DST: variants seen among roughly 807,000 people sequenced by gnomAD.
DST encodes the protein dystonin.
A neutral mutation model predicts 875.2 loss-of-function variants in DST; 253 were observed. That is an observed-to-expected ratio of 0.29 (90% confidence interval 0.26 to 0.32). The LOEUF (loss-of-function observed/expected upper bound fraction) is 0.32. DST is among the 10% of genes least tolerant of loss of function. The pLI, the probability that DST is intolerant of heterozygous loss-of-function variation, is 1.00. For synonymous variants in DST, 3,124 were observed against 3,197.1 expected (o/e 0.98, Z 0.77); for missense variants, 8,287 against 9,111.6 (o/e 0.91, Z 3.68).
At chr6:56,857,563 T>C (rs1174386584) in intron 3 of DST, among the ~76,000 whole-genome samples, 2 of 152,176 alleles carry the variant, frequency 1.3e-5, no homozygotes, top group African/African-American at 4.8e-5. Context: ...TAAAAGAAAT[T>C]CCTCTGCTAT....
chr6:56,887,846 G>A (rs189101323), intron 3 of DST, among the ~76,000 whole-genome samples: 5 of 151,980 alleles, frequency 3.3e-5, no homozygotes, highest in African/African-American at 9.7e-5. Flanking sequence ...AGACTAAACT[G>A]TTCATTCAAT....
chr6:56,759,216 C>T (rs1294824512), intron 4 of DST, among the ~76,000 whole-genome samples: 3 of 152,192 alleles, frequency 2.0e-5, no homozygotes, highest in East Asian at 3.9e-4. Context: ...TCTGGGAGGC[C>T]GAAGTGGGCG....
intron 61 of DST, among the ~76,000 whole-genome samples, chr6:56,539,068 C>G (rs1177308499): frequency 1.3e-5 from 2 of 152,114 alleles, no homozygotes; most frequent in African/African-American, 4.8e-5. Context: ...ATTCCAGGAA[C>G]TTGTAAATAA....
At chr6:56,561,143 TATCA>T (rs1340790518) in intron 57 of DST, among the ~76,000 whole-genome samples, 161 bp downstream of exon 57, 1 of 152,168 alleles carries the variant, frequency 6.6e-6, no homozygotes, top group Non-Finnish European at 1.5e-5. Flanking sequence ...TAACTATTAT[TATCA>T]ATCTTTATAG....
rs771049888 is a variant in DST, at chr6:56,645,992, A to C, written c.1652T>G (p.Ile551Ser). ...KIKRLYKLLE[I>S]WIEFGRIKLL... Reference sequence around the variant, plus strand: ...CTTGATGCGTCCAAATTCTATCCAAATCTTGAGAAAACAAAAAACTTTAAT... The same window carrying C: ...CTTGATGCGTCCAAATTCTATCCAACTCTTGAGAAAACAAAAAACTTTAAT... The change falls in exon 15 of 104, where the codon ATT becomes AGT. Residue 551 changes from isoleucine (I) to serine (S), a missense_variant and splice_region_variant. Ile to Ser is a moderately radical substitution (Grantham distance 142, BLOSUM62 -2). Coordinates refer to ENST00000680361, the MANE Select transcript of DST (RefSeq NM_001374736.1). 25 of 1,608,484 alleles carry C rather than the reference A, an allele frequency of 1.6e-5. 1 individual carries two copies. The South Asian group carries it at 2.7e-4, about 17-fold the overall frequency.
chr6:56,472,327 G>T, intron 93 of DST, 105 bp from the exon 94 acceptor site: 1 of 993,134 alleles, frequency 1.0e-6, no homozygotes, highest in South Asian at 1.7e-5. Flanking sequence ...ACTTAATTAC[G>T]TGTTTACGCA....
chr6:56,825,123 CA>C (rs1446588018), intron 4 of DST, among the ~76,000 whole-genome samples: 8 of 151,346 alleles, frequency 5.3e-5, no homozygotes, highest in Non-Finnish European at 1.2e-4. Flanking sequence ...AAGAAGTAGA[CA>C]TGGGAGACTT....
At chr6:56,490,503 A>G (rs142680689) in intron 85 of DST, among the ~76,000 whole-genome samples, 1 of 152,322 alleles carries the variant, frequency 6.6e-6, no homozygotes, top group Non-Finnish European at 1.5e-5. Flanking sequence ...ATATTTAACA[A>G]TAAGAGCAGA....
intron 4 of DST, among the ~76,000 whole-genome samples, chr6:56,764,637 AAAG>A (rs954706000): frequency 6.6e-5 from 10 of 152,240 alleles, no homozygotes; most frequent in South Asian, 6.2e-4. Flanking sequence ...AAAATTTAAA[AAAG>A]AAGGAGTGGG....
chr6:56,899,106 G>T lies in DST; in HGVS notation c.417+1315C>A, dbSNP rs117103896. On this transcript the variant is annotated intron_variant, in intron 3 of 103. Coordinates refer to ENST00000680361, the MANE Select transcript of DST (RefSeq NM_001374736.1). ...GGCTCAGTTTCATTATCCATAAAAT[G>T]GGAATCATAACATCTACCTCATAGA... 1.1e-4 allele frequency among the ~76,000 whole-genome samples: 16 copies of T among 152,202 alleles called. No homozygotes were observed. The East Asian group carries it at 3.1e-3, about 29-fold the overall frequency.
At chr6:56,799,956 T>A (rs1343914379) in intron 4 of DST, among the ~76,000 whole-genome samples, 1 of 152,186 alleles carries the variant, frequency 6.6e-6, no homozygotes, top group East Asian at 1.9e-4. Context: ...GGTGTATACA[T>A]TATTCTTTTA....
chr6:56,889,408 A>G (rs1169213553), intron 3 of DST, among the ~76,000 whole-genome samples: 1 of 152,204 alleles, frequency 6.6e-6, no homozygotes, highest in Non-Finnish European at 1.5e-5. Flanking sequence ...CCAACTCCTC[A>G]GTCAAAACTG....
chr6:56,671,025 T>C (rs536820750), intron 9 of DST, among the ~76,000 whole-genome samples: 36 of 152,328 alleles, frequency 2.4e-4, no homozygotes, highest in African/African-American at 7.9e-4. Flanking sequence ...CTATTCTATA[T>C]AATTATTTTT....
intron 55 of DST, among the ~76,000 whole-genome samples, chr6:56,562,547 GCAGT>G (rs971063340): frequency 4.0e-5 from 6 of 150,868 alleles, no homozygotes; most frequent in Non-Finnish European, 8.9e-5. Context: ...GTATTTTAGA[GCAGT>G]AAGTGGAGCT....
intron 2 of DST, among the ~76,000 whole-genome samples, chr6:56,908,899 T>C (rs545438757): frequency 6.6e-6 from 1 of 152,354 alleles, no homozygotes; most frequent in African/African-American, 2.4e-5. Context: ...AAAAGGGGGA[T>C]GCATGAATAA....
Position 56,628,097 on chromosome 6 carries a change from C to T in DST, c.4540G>A (p.Asp1514Asn). 1 of 1,613,764 alleles carries T rather than the reference C, an allele frequency of 6.2e-7. No homozygotes were observed. Among genetic ancestry groups the T allele is most frequent in the Non-Finnish European group, 8.5e-7 (1 of 1,179,698 alleles). Residue 1514 changes from aspartate (D) to asparagine (N), a missense_variant, in exon 33 of 104, where the codon GAT becomes AAT. Physicochemically the swap from Asp to Asn is conservative, Grantham distance 23. Transcript: ENST00000680361. ...GTTTCAACCTGCTGGATCCAATCAT[C>T]TAAAGGATGGTAAGTGTCTCTGTAG... Reference protein sequence around the residue: ...KYYRDTYHPLDDWIQQVETTQ... With the variant: ...KYYRDTYHPLNDWIQQVETTQ...
At chr6:56,871,211 C>T in intron 3 of DST, 1 of 762,748 alleles carries the variant, frequency 1.3e-6, no homozygotes, top group Non-Finnish European at 2.4e-6. Flanking sequence ...ATTTACTTGA[C>T]CCAGAGAACC....
chr6:56,611,518 G>A lies in DST; in HGVS notation c.5137C>T (p.His1713Tyr), dbSNP rs545659709. The A allele has an allele frequency of 3.1e-6, 5 of 1,610,620 alleles. No homozygotes were observed. The South Asian group carries it at 3.3e-5, about 11-fold the overall frequency. Residue 1713 changes from histidine to tyrosine, a missense_variant, in exon 38 of 104, where the codon CAT becomes TAT. His to Tyr is a moderately conservative substitution (Grantham distance 83). This residue lies in a region of DST where 3,138 missense variants were observed against 3,116.6 expected (regional missense o/e 1.01). Coordinates refer to ENST00000680361, the MANE Select transcript of DST (RefSeq NM_001374736.1). Reference protein sequence around the residue: ...LQTIQLFLAKHGDKMTDEERN... With the variant: ...LQTIQLFLAKYGDKMTDEERN... ...CTACAACCAACATACTTGTCTCCATGTTTTGCCAAAAAAAGCTGTATAGTT... is the reference window on the plus strand; with the variant it reads ...CTACAACCAACATACTTGTCTCCATATTTTGCCAAAAAAAGCTGTATAGTT...
intron 6 of DST, 23 bp downstream of exon 6, chr6:56,704,256 TA>T (rs1563772702): frequency 9.6e-6 from 12 of 1,247,782 alleles, no homozygotes; most frequent in Non-Finnish European, 1.4e-5. Flanking sequence ...TTCTTCAAAA[TA>T]AAATAAGAAA....
Sources: gnomAD v4.1 joint callset for allele counts (sites outside exome capture counted in the v4.1 genomes callset) on GRCh38, gnomAD v4.1.1 for gene constraint, gnomAD v4.1.1 regional missense constraint, MANE v1.5 for transcripts, NCBI Gene and HGNC (gene_info 2026-07-23, HGNC 2026-07-21) for gene names.